INPP5A: variants seen among roughly 807,000 people sequenced by gnomAD.
INPP5A encodes inositol polyphosphate-5-phosphatase A.
In INPP5A, 14 loss-of-function variants were observed where a neutral mutation model predicts 65.2. The observed-to-expected ratio is 0.21, with a 90% CI of 0.14 to 0.34. The LOEUF is 0.34. INPP5A is among the 10% of genes least tolerant of loss of function. The pLI, the probability that INPP5A is intolerant of heterozygous loss-of-function variation, is 1.00. For missense variants in INPP5A, 431 were observed against 545.6 expected, an observed-to-expected ratio of 0.79 and a Z score of 2.09; for synonymous variants, 207 against 208.3, an observed-to-expected ratio of 0.99 and a Z score of 0.05.
rs1260379273 is a variant in INPP5A, at chr10:132,710,453, A to ACAGGTAGGTGTGGGCGGG, written c.647+6_647+23dup. The ACAGGTAGGTGTGGGCGGG allele has an allele frequency of 1.1e-5, 17 of 1,613,286 alleles. No individual in the cohort carries two copies. Among genetic ancestry groups the ACAGGTAGGTGTGGGCGGG allele is most frequent in the Non-Finnish European group, 1.4e-5 (16 of 1,179,872 alleles). On this transcript the variant is annotated stop_gained and inframe_insertion, in exon 8 of 16. Transcript: ENST00000368594. LOFTEE classifies it high-confidence loss of function. ...CACAAGGCACTGGGCTACGTGCTGG[A>ACAGGTAGGTGTGGGCGGG]CAGGTAGGTGTGGGCGGGCAGGTAG...
intron 7 of INPP5A, 195 bp downstream of exon 7, chr10:132,708,560 TG>T (rs1226586165): frequency 2.8e-6 from 2 of 723,516 alleles, no homozygotes; most frequent in African/African-American, 3.5e-5. Flanking sequence ...CACTGTTCCC[TG>T]TAAGTCAGAC....
chr10:132,746,150 G>A (rs111583598), intron 9 of INPP5A, among the ~76,000 whole-genome samples: 7 of 152,362 alleles, frequency 4.6e-5, no homozygotes, highest in African/African-American at 1.7e-4. Flanking sequence ...GACACCTGGT[G>A]ATTCCAGGTA....
Position 132,549,535 on chromosome 10 carries a change from T to C in INPP5A, c.75+11364T>C, listed in dbSNP as rs2071023935. Among the ~76,000 whole-genome samples, 1 of 152,256 alleles carries C rather than the reference T, an allele frequency of 6.6e-6. No individual in the cohort carries two copies. Among genetic ancestry groups the C allele is most frequent in the South Asian group, 2.1e-4 (1 of 4,838 alleles). ...TGGATGACAGACGGTGTTGGCGGGC[T>C]GCCCTCTGCCCACCCCTCCAGGAGG... On this transcript the variant is annotated intron_variant, in intron 1 of 15. Coordinates refer to ENST00000368594, the MANE Select transcript of INPP5A (RefSeq NM_005539.5). The surrounding 1 kb of genome is among the most constrained non-coding windows in gnomAD (Gnocchi z 4.9).
At chr10:132,581,898 C>T (rs1402696953) in intron 1 of INPP5A, among the ~76,000 whole-genome samples, 7 of 151,854 alleles carry the variant, frequency 4.6e-5, no homozygotes, top group East Asian at 1.9e-4. Flanking sequence ...AGTGCAGTGG[C>T]GCGATCTCGG....
rs57420992 is a variant in INPP5A, at chr10:132,771,815, G to A, written c.978-5856G>A. On this transcript the variant is annotated intron_variant, in intron 12 of 15. Transcript: ENST00000368594. ...CACTGACACGGAGGCCCAGGCAGCCGCCCCGTGAAGAGTGGGGCACTCAGC... is the reference window on the plus strand; with the variant it reads ...CACTGACACGGAGGCCCAGGCAGCCACCCCGTGAAGAGTGGGGCACTCAGC... Among the ~76,000 whole-genome samples the A allele has an allele frequency of 1.2e-3, 123 of 102,858 alleles. 2 individuals carry two copies. The highest frequency in any genetic ancestry group is 1.7e-3 in the African/African-American group (42 of 24,206). The allele number at this position is 102,858 out of a possible 152,430, so 67.5% of individuals were successfully genotyped here. A position where few individuals can be genotyped will look rare whatever the true frequency, so the allele number is the denominator to read the frequency against.
intron 12 of INPP5A, among the ~76,000 whole-genome samples, chr10:132,769,633 A>G (rs926637195): frequency 2.6e-5 from 4 of 152,340 alleles, no homozygotes; most frequent in African/African-American, 7.2e-5. Flanking sequence ...CCAGGCGGCT[A>G]TGAGTGGATG....
At chr10:132,711,471 A>ATT (rs1845636028) in intron 8 of INPP5A, among the ~76,000 whole-genome samples, 1 of 146,606 alleles carries the variant, frequency 6.8e-6, no homozygotes, top group Non-Finnish European at 1.5e-5. Flanking sequence ...TTGGGCTTGC[A>ATT]GCAGTGATGA....
chr10:132,755,370 G>C, intron 11 of INPP5A, among the ~76,000 whole-genome samples: 1 of 151,526 alleles, frequency 6.6e-6, no homozygotes, highest in East Asian at 1.9e-4. Context: ...ATGCATATGA[G>C]TGGGAGTGTG....
chr10:132,690,493 C>T lies in INPP5A; in HGVS notation c.370+38C>T, dbSNP rs755337161. On this transcript the variant is annotated intron_variant, in intron 5 of 15. Transcript: ENST00000368594. ...GCCGTCTTCCGGGATTTTGTCTCGG[C>T]ACTCACCCCTCCTGGTGTCTGGCTT... is the stretch of plus-strand genomic sequence containing the variant. 3.4e-6 allele frequency: 5 copies of T among 1,469,410 alleles called. No homozygotes were observed. The Admixed American group carries it at 6.7e-5, about 20-fold the overall frequency. The allele number at this position is 1,469,410 out of a possible 1,614,324, so 91.0% of individuals were successfully genotyped here.
intron 2 of INPP5A, among the ~76,000 whole-genome samples, chr10:132,617,849 C>T (rs1227206219): frequency 3.3e-5 from 5 of 152,224 alleles, no homozygotes; most frequent in African/African-American, 9.6e-5. Context: ...GGCAGGTGTG[C>T]AGTCCACAAG....
chr10:132,688,572 C>CA (rs1431354021), intron 4 of INPP5A, among the ~76,000 whole-genome samples: 1 of 152,156 alleles, frequency 6.6e-6, no homozygotes, highest in African/African-American at 2.4e-5. Flanking sequence ...TGGTTCTGCC[C>CA]AAAACAAAGC....
At position 132,546,331 on chromosome 10, in the gene INPP5A, C is replaced by T. The variant is rs1009910545; in HGVS notation, c.75+8160C>T. 2.0e-5 allele frequency among the ~76,000 whole-genome samples: 3 copies of T among 152,142 alleles called. No homozygotes were observed. Among genetic ancestry groups the T allele is most frequent in the Non-Finnish European group, 4.4e-5 (3 of 68,030 alleles). On this transcript the variant is annotated intron_variant, in intron 1 of 15. Transcript: ENST00000368594. The surrounding 1 kb of genome is among the most constrained non-coding windows in gnomAD (Gnocchi z 5.7). Reference sequence around the variant, plus strand: ...CTGCCGCTCCAGGTTCAGAAGATGCCGCTTCTGGTTTTTCCCCGTTGTGAG... The same window carrying T: ...CTGCCGCTCCAGGTTCAGAAGATGCTGCTTCTGGTTTTTCCCCGTTGTGAG...
intron 11 of INPP5A, among the ~76,000 whole-genome samples, chr10:132,757,620 G>C (rs1276334384): frequency 6.6e-6 from 1 of 152,234 alleles, no homozygotes; most frequent in African/African-American, 2.4e-5. Flanking sequence ...TGTGTGTGCA[G>C]AACCCTTGCC....
intron 4 of INPP5A, among the ~76,000 whole-genome samples, chr10:132,687,528 C>G (rs553251438): frequency 6.6e-6 from 1 of 152,368 alleles, no homozygotes; most frequent in South Asian, 2.1e-4. Flanking sequence ...CTGCCTGCTG[C>G]ACCCTAGACC....
At position 132,678,640 on chromosome 10, in the gene INPP5A, CGTG is replaced by C. The variant is rs1175275772; in HGVS notation, c.307-11751_307-11749del. ...CAGGAGCCGTGGAATTCCTGCCTGC[CGTG>C]ACCTGGGCATTGTGGTGGAGGACTC... On this transcript the variant is annotated intron_variant, in intron 4 of 15. Transcript: ENST00000368594. This position sits in a 1 kb window ranked among gnomAD's most constrained non-coding sequence, Gnocchi z 4.1. Among the ~76,000 whole-genome samples the C allele has an allele frequency of 6.6e-6, 1 of 152,160 alleles. No individual in the cohort carries two copies. Among genetic ancestry groups the C allele is most frequent in the African/African-American group, 2.4e-5 (1 of 41,432 alleles).
intron 3 of INPP5A, among the ~76,000 whole-genome samples, chr10:132,648,773 G>A (rs1377459592): frequency 6.6e-6 from 1 of 152,106 alleles, no homozygotes; most frequent in African/African-American, 2.4e-5. Flanking sequence ...TGTATATAAT[G>A]TGCCCTTTCC....
intron 8 of INPP5A, among the ~76,000 whole-genome samples, chr10:132,719,654 G>C (rs1406198353): frequency 6.8e-6 from 1 of 147,412 alleles, no homozygotes; most frequent in African/African-American, 2.6e-5. Context: ...GTGGTACCTG[G>C]GTTCTGTCTG....
intron 2 of INPP5A, among the ~76,000 whole-genome samples, chr10:132,623,769 T>G (rs1476493246): frequency 6.6e-6 from 1 of 152,162 alleles, no homozygotes; most frequent in Non-Finnish European, 1.5e-5. Context: ...GACTTGTATC[T>G]AGAATATACA....
rs1394556770 is a variant in INPP5A at position 132,674,724 on chromosome 10, G to GCACCCAGTTCATGACATGCAGTTCAGGT, written c.307-15664_307-15637dup. On this transcript the variant is annotated intron_variant, in intron 4 of 15. Coordinates refer to ENST00000368594, the MANE Select transcript of INPP5A (RefSeq NM_005539.5). This position sits in a 1 kb window ranked among gnomAD's most constrained non-coding sequence, Gnocchi z 4.4. ...ACTTCATGGCTAGATGGGTCAGAAAGCACCCAGTTCATGACATGCAGTTCA... is the reference window on the plus strand; with the variant it reads ...ACTTCATGGCTAGATGGGTCAGAAAGCACCCAGTTCATGACATGCAGTTCAGGTCACCCAGTTCATGACATGCAGTTCA... 1.7e-4 allele frequency among the ~76,000 whole-genome samples: 26 copies of GCACCCAGTTCATGACATGCAGTTCAGGT among 152,178 alleles called. No homozygotes were observed. The highest frequency in any genetic ancestry group is 3.1e-4 in the Non-Finnish European group (21 of 68,040).
Sources: allele counts gnomAD v4.1 joint callset (sites outside exome capture counted in the v4.1 genomes callset), GRCh38; gene constraint gnomAD v4.1.1; non-coding constraint Gnocchi (gnomAD v3.1); transcripts MANE v1.5; gene names NCBI Gene and HGNC (gene_info 2026-07-23, HGNC 2026-07-21).